The following CEACAM7 variants were observed in gnomAD, a reference collection of about 807,000 sequenced individuals.
CEACAM7 encodes the protein cell adhesion molecule CEACAM7.
Under a neutral mutation model 25.7 loss-of-function variants are expected in CEACAM7, and 24 were observed. That is an observed-to-expected ratio of 0.93 (90% CI 0.68 to 1.31). The LOEUF is 1.31. Among genes scored for constraint, CEACAM7 ranks in the 40% most tolerant of loss-of-function variants. The pLI is 0.00. For synonymous variants in CEACAM7, 144 were observed against 129.4 expected (o/e 1.11, Z -0.77); for missense variants, 324 against 330.1 (o/e 0.98, Z 0.14).
At chr19:41,676,841 G>C (rs1438771610) in intron 4 of CEACAM7, among the ~76,000 whole-genome samples, 2 of 152,148 alleles carry the variant, frequency 1.3e-5, no homozygotes, top group Admixed American at 1.3e-4. Context: ...GGATGTATAG[G>C]AAGACAGATC....
At chr19:41,685,455 C>G (rs1279979785) in intron 2 of CEACAM7, among the ~76,000 whole-genome samples, 3 of 152,054 alleles carry the variant, frequency 2.0e-5, no homozygotes, top group Admixed American at 2.0e-4. Context: ...GGTCTCAGTC[C>G]CTTGGAGGGA....
At chr19:41,681,922 C>G (rs2072179459) in intron 3 of CEACAM7, among the ~76,000 whole-genome samples, 1 of 152,118 alleles carries the variant, frequency 6.6e-6, no homozygotes, top group Admixed American at 6.5e-5. Context: ...GGTTGCACAA[C>G]AGTATAAATA....
chr19:41,685,925 G>A (rs2072221186), intron 2 of CEACAM7, among the ~76,000 whole-genome samples: 1 of 152,204 alleles, frequency 6.6e-6, no homozygotes, highest in African/African-American at 2.4e-5. Context: ...TCCGGTCCGT[G>A]AGACCCTGCC....
At chr19:41,679,779 C>T (rs2072153156) in intron 3 of CEACAM7, among the ~76,000 whole-genome samples, 1 of 142,398 alleles carries the variant, frequency 7.0e-6, no homozygotes, top group African/African-American at 2.6e-5. Flanking sequence ...TCTTTTTTCT[C>T]TGTCTCTTTC....
chr19:41,676,849 A>G (rs1392267549), intron 4 of CEACAM7, among the ~76,000 whole-genome samples: 3 of 152,208 alleles, frequency 2.0e-5, no homozygotes, highest in Non-Finnish European at 4.4e-5. Flanking sequence ...AGGAAGACAG[A>G]TCTAATTAGG....
intron 2 of CEACAM7, among the ~76,000 whole-genome samples, chr19:41,685,626 A>C (rs2072218881): frequency 6.6e-6 from 1 of 152,026 alleles, no homozygotes; most frequent in African/African-American, 2.4e-5. Flanking sequence ...GCAGGGTGTG[A>C]GTGGGGAGAG....
chr19:41,678,811 A>G (rs2072142960), intron 3 of CEACAM7, among the ~76,000 whole-genome samples: 1 of 152,236 alleles, frequency 6.6e-6, no homozygotes, highest in Non-Finnish European at 1.5e-5. Context: ...TTAAATCTTC[A>G]AAACAATACT....
rs782458655 is a variant in CEACAM7 at position 41,677,479 on chromosome 19, G to A, written c.731C>T (p.Pro244Leu). The A allele has an allele frequency of 1.2e-6, 2 of 1,613,952 alleles. No individual in the cohort carries two copies. The highest frequency in any genetic ancestry group is 3.3e-5 in the Admixed American group (2 of 60,022). The change falls in exon 4 of 5, where the codon CCT becomes CTT. Residue 244 changes from proline (P) to leucine (L), a missense_variant. Physicochemically the swap from Pro to Leu is moderately conservative, Grantham distance 98. Coordinates refer to ENST00000401731, the MANE Select transcript of CEACAM7 (RefSeq NM_001291485.2). ...GACAGCGGTCCCAGCTGAGAGGTCAGGTGAACTTGCTTGTACTGACTCATC... is the reference window on the plus strand; with the variant it reads ...GACAGCGGTCCCAGCTGAGAGGTCAAGTGAACTTGCTTGTACTGACTCATC... ...VRYESVQASS[P>L]DLSAGTAVSI...
In CEACAM7 at chr19:41,674,481, A is replaced by G. The variant is rs2072094693; in HGVS notation, c.*295T>C. On this transcript the variant is annotated 3_prime_UTR_variant, in exon 5 of 5. Coordinates refer to ENST00000401731, the MANE Select transcript of CEACAM7 (RefSeq NM_001291485.2). ...GAGCCTCGTCACGATGAGGCTTGGG[A>G]CATCTTGGGAAAAACTGTCCACAGC... 6.2e-6 allele frequency: 1 copy of G among 161,526 alleles called. No homozygotes were observed. The highest frequency in any genetic ancestry group is 1.6e-4 in the South Asian group (1 of 6,164). 10.0% of individuals were successfully genotyped at this position (161,526 alleles called of 1,614,324 possible).
intron 3 of CEACAM7, among the ~76,000 whole-genome samples, chr19:41,683,461 G>T (rs1471570569): frequency 2.0e-5 from 3 of 152,206 alleles, no homozygotes; most frequent in Non-Finnish European, 4.4e-5. Flanking sequence ...CTGTGGAAGG[G>T]CTGCACTGTC....
At chr19:41,678,156 A>G (rs1311611157) in intron 3 of CEACAM7, among the ~76,000 whole-genome samples, 2 of 151,972 alleles carry the variant, frequency 1.3e-5, no homozygotes, top group African/African-American at 4.8e-5. Context: ...CCTCAAAATT[A>G]TATTGCATGT....
chr19:41,685,487 T>A (rs2072217614), intron 2 of CEACAM7, among the ~76,000 whole-genome samples: 2 of 152,114 alleles, frequency 1.3e-5, no homozygotes, highest in African/African-American at 4.8e-5. Flanking sequence ...TGCCAGAGCC[T>A]CCTAGGATCC....
At chr19:41,685,605 C>A (rs2072218647) in intron 2 of CEACAM7, among the ~76,000 whole-genome samples, 1 of 152,140 alleles carries the variant, frequency 6.6e-6, no homozygotes, top group Admixed American at 6.5e-5. Flanking sequence ...TCACTTTGGG[C>A]CCTGGCATGT....
chr19:41,685,929 C>A (rs1279618700), intron 2 of CEACAM7, among the ~76,000 whole-genome samples: 3 of 152,218 alleles, frequency 2.0e-5, no homozygotes, highest in Non-Finnish European at 4.4e-5. Flanking sequence ...GTCCGTGAGA[C>A]CCTGCCTCAG....
chr19:41,681,275 A>G (rs1178965251), intron 3 of CEACAM7, among the ~76,000 whole-genome samples: 1 of 152,198 alleles, frequency 6.6e-6, no homozygotes, highest in East Asian at 1.9e-4. Flanking sequence ...AGAAAACACA[A>G]AACATGTATT....
At chr19:41,679,009 A>G (rs1201550565) in intron 3 of CEACAM7, among the ~76,000 whole-genome samples, 6 of 152,212 alleles carry the variant, frequency 3.9e-5, no homozygotes, top group Admixed American at 2.0e-4. Flanking sequence ...AAGTTAGCCA[A>G]TGAAGGAAAT....
intron 2 of CEACAM7, among the ~76,000 whole-genome samples, chr19:41,686,541 C>G (rs1555811197): frequency 6.6e-6 from 1 of 152,162 alleles, no homozygotes; most frequent in East Asian, 1.9e-4. Flanking sequence ...ACTCCTCAGG[C>G]CAGGCTCTGA....
In CEACAM7 at chr19:41,683,804, TG is replaced by T. The variant is rs1309631565; in HGVS notation, c.686del (p.Pro229GlnfsTer4). On this transcript the variant is annotated frameshift_variant, in exon 3 of 5. Coordinates refer to ENST00000401731, the MANE Select transcript of CEACAM7 (RefSeq NM_001291485.2). LOFTEE classifies it high-confidence loss of function. Reference protein sequence around the residue: ...QNPVGASRSDPVTLNVRYESV... With the variant: ...QNPVGASRSDXVTLNVRYESV... ...ACTCACAGCGGACATTCAGGGTGACTGGGTCACTGCGGCTGGCACCCACTGG... is the reference window on the plus strand; with the variant it reads ...ACTCACAGCGGACATTCAGGGTGACTGGTCACTGCGGCTGGCACCCACTGG... 1.4e-5 allele frequency: 23 copies of T among 1,614,050 alleles called. No homozygotes were observed. In the Admixed American group the frequency reaches 3.8e-4, roughly 27 times the overall value.
At chr19:41,682,637 A>G (rs2072186476) in intron 3 of CEACAM7, among the ~76,000 whole-genome samples, 1 of 152,208 alleles carries the variant, frequency 6.6e-6, no homozygotes, top group African/African-American at 2.4e-5. Flanking sequence ...CCCCAGGTGG[A>G]GTCAGGGCAG....
Sources: allele counts gnomAD v4.1 joint callset (sites outside exome capture counted in the v4.1 genomes callset), GRCh38; gene constraint gnomAD v4.1.1; transcripts MANE v1.5; gene names NCBI Gene and HGNC (gene_info 2026-07-23, HGNC 2026-07-21).